The following ARRB1 variants were observed in gnomAD, a reference collection of about 807,000 sequenced individuals.
ARRB1 encodes beta-arrestin-1.
ARRB1 carries 21 observed loss-of-function variants against 56.8 expected under a neutral mutation model. The ratio of observed to expected loss-of-function variants is 0.37; its 90% CI spans 0.26 to 0.53. The LOEUF (loss-of-function observed/expected upper bound fraction) is 0.53, where lower values mean the gene tolerates loss of function less well. Ranked by LOEUF, ARRB1 falls within the 20% of genes least tolerant of loss-of-function variation. The pLI, the probability that ARRB1 is intolerant of heterozygous loss-of-function variation, is 0.88. For synonymous variants in ARRB1, 210 were observed against 218.6 expected, an observed-to-expected ratio of 0.96 and a Z score of 0.35; for missense variants, 424 against 553.7, an observed-to-expected ratio of 0.77 and a Z score of 2.35.
intron 6 of ARRB1, 50 bp downstream of exon 6, chr11:75,281,912 G>T: frequency 6.3e-7 from 1 of 1,583,248 alleles, no homozygotes. Context: ...AGGGACCTGG[G>T]GACATGAGAC....
chr11:75,292,421 G>A (rs563421124), intron 1 of ARRB1, among the ~76,000 whole-genome samples: 78 of 152,306 alleles, frequency 5.1e-4, no homozygotes, highest in Admixed American at 8.5e-4. Context: ...GATTACAGGC[G>A]TGAGCCACCG....
In ARRB1 at chr11:75,262,490, C is replaced by G. The variant is rs149579247; in HGVS notation, c.*3673G>C. On this transcript the variant is annotated 3_prime_UTR_variant, in exon 16 of 16. Coordinates refer to ENST00000420843, the MANE Select transcript of ARRB1 (RefSeq NM_004041.5). ...GGTTGACATCTGCCTAAGTGAGAAGCAGGGCAAGCGATGAAGACTGGTGGG... is the reference window on the plus strand; with the variant it reads ...GGTTGACATCTGCCTAAGTGAGAAGGAGGGCAAGCGATGAAGACTGGTGGG... 2 of 152,266 alleles carry G rather than the reference C, an allele frequency of 1.3e-5. No individual in the cohort carries two copies. Among genetic ancestry groups the G allele is most frequent in the Non-Finnish European group, 2.9e-5 (2 of 68,058 alleles). 9.4% of individuals were successfully genotyped at this position (152,266 alleles called of 1,614,324 possible). A position where few individuals can be genotyped will look rare whatever the true frequency, so the allele number is the denominator to read the frequency against.
At chr11:75,284,211 C>G in intron 4 of ARRB1, 24 bp downstream of exon 4, 1 of 1,597,282 alleles carries the variant, frequency 6.3e-7, no homozygotes. Flanking sequence ...CCTTGACAGG[C>G]TGGGGATGGG....
chr11:75,325,020 G>C (rs1467220311), intron 1 of ARRB1, among the ~76,000 whole-genome samples: 1 of 152,176 alleles, frequency 6.6e-6, no homozygotes, highest in Admixed American at 6.5e-5. Flanking sequence ...CCTTGGGGTA[G>C]AGACCTGAAG....
chr11:75,302,049 C>T (rs1309142940), intron 1 of ARRB1, among the ~76,000 whole-genome samples: 1 of 152,188 alleles, frequency 6.6e-6, no homozygotes, highest in East Asian at 1.9e-4. Flanking sequence ...CTCAGGGAGA[C>T]TCGCTAGTGT....
chr11:75,351,494 G>T lies in ARRB1; in HGVS notation c.20+94C>A, dbSNP rs1479986512. On this transcript the variant is annotated intron_variant, in intron 1 of 15. Coordinates refer to ENST00000420843, the MANE Select transcript of ARRB1 (RefSeq NM_004041.5). Reference sequence around the variant, plus strand: ...TGGTACTAGATCCCGCGGTGGCCGCGAACGCAGAACCAGGACGCAATCGGA... The same window carrying T: ...TGGTACTAGATCCCGCGGTGGCCGCTAACGCAGAACCAGGACGCAATCGGA... 5 of 1,482,224 alleles carry T rather than the reference G, an allele frequency of 3.4e-6. No individual in the cohort carries two copies. The Admixed American group carries it at 1.1e-4, about 32-fold the overall frequency. The allele number at this position is 1,482,224 out of a possible 1,614,324, so 91.8% of individuals were successfully genotyped here.
At chr11:75,267,539 C>A in intron 15 of ARRB1, 113 bp downstream of exon 15, 1 of 1,103,084 alleles carries the variant, frequency 9.1e-7, no homozygotes, top group Non-Finnish European at 1.3e-6. Context: ...TCTCAGCAGA[C>A]GGGGTTAGAC....
At chr11:75,305,677 G>A (rs150521895) in intron 1 of ARRB1, among the ~76,000 whole-genome samples, 2 of 152,234 alleles carry the variant, frequency 1.3e-5, no homozygotes, top group East Asian at 3.9e-4. Context: ...CCAGTTTCCA[G>A]CCTAGGCAGA....
chr11:75,290,015 A>G lies in ARRB1; in HGVS notation c.45T>C (p.Asn15=), dbSNP rs1213428586. 13 of 1,614,184 alleles carry G rather than the reference A, an allele frequency of 8.1e-6. No individual in the cohort carries two copies. Among genetic ancestry groups the G allele is most frequent in the South Asian group, 2.2e-5 (2 of 91,088 alleles). ...GTRVFKKASP[N]GKLTVYLGKR... ...GCAGCTGTTACAGACTCACCTTTCC[A>G]TTTGGACTGGCCTTCTTGAACACTC... is the stretch of plus-strand genomic sequence containing the variant. Residue 15 remains asparagine, a synonymous_variant, in exon 2 of 16, where the codon AAT becomes AAC. Coordinates refer to ENST00000420843, the MANE Select transcript of ARRB1 (RefSeq NM_004041.5).
At chr11:75,269,189 G>A (rs1348136955) in intron 13 of ARRB1, 2 of 734,900 alleles carry the variant, frequency 2.7e-6, no homozygotes, top group South Asian at 1.4e-5. Flanking sequence ...CCTCTTTCCT[G>A]AGAAGGCTCT....
chr11:75,343,904 C>T (rs1043802766), intron 1 of ARRB1, among the ~76,000 whole-genome samples: 1 of 151,988 alleles, frequency 6.6e-6, no homozygotes, highest in African/African-American at 2.4e-5. Context: ...CAAGCTCCGC[C>T]TCCCGGGTTC....
intron 1 of ARRB1, among the ~76,000 whole-genome samples, chr11:75,335,895 C>G (rs1391332909): frequency 6.6e-6 from 1 of 152,218 alleles, no homozygotes; most frequent in Non-Finnish European, 1.5e-5. Flanking sequence ...TTTATTGTCC[C>G]CCTTTTATAG....
intron 1 of ARRB1, among the ~76,000 whole-genome samples, chr11:75,349,586 G>A (rs566884095): frequency 2.6e-5 from 4 of 152,324 alleles, no homozygotes; most frequent in South Asian, 2.1e-4. Context: ...GAGTCACTCC[G>A]ATCACAAGGC....
intron 1 of ARRB1, among the ~76,000 whole-genome samples, chr11:75,301,184 G>A (rs1284153587): frequency 1.3e-5 from 2 of 151,916 alleles, no homozygotes; most frequent in Non-Finnish European, 2.9e-5. Context: ...GTAGCAATGA[G>A]GAAGATCTTG....
At chr11:75,269,140 G>C in intron 13 of ARRB1, 181 bp from the exon 14 acceptor site, 1 of 747,898 alleles carries the variant, frequency 1.3e-6, no homozygotes, top group Non-Finnish European at 2.4e-6. Flanking sequence ...GGAGCTGGAC[G>C]AGGAGACTTC....
At chr11:75,266,401 TC>T (rs1945914205) in intron 15 of ARRB1, 127 bp from the exon 16 acceptor site, 1 of 727,144 alleles carries the variant, frequency 1.4e-6, no homozygotes, top group Admixed American at 2.2e-5. Flanking sequence ...CTCTCTGAGG[TC>T]TCTGGCCTCT....
intron 1 of ARRB1, among the ~76,000 whole-genome samples, chr11:75,308,118 C>T (rs1017295868): frequency 1.6e-4 from 24 of 152,364 alleles, no homozygotes; most frequent in Admixed American, 3.9e-4. Context: ...GCCCTGAGCC[C>T]GGCCCAAGCA....
chr11:75,283,722 T>C (rs933088871), intron 4 of ARRB1, among the ~76,000 whole-genome samples: 6 of 151,780 alleles, frequency 4.0e-5, no homozygotes, highest in Non-Finnish European at 5.9e-5. Context: ...TCCTTCCCCC[T>C]CCCACCTCTC....
intron 2 of ARRB1, 106 bp downstream of exon 2, chr11:75,289,903 A>T (rs1946564777): frequency 2.6e-6 from 4 of 1,531,446 alleles, no homozygotes. Flanking sequence ...GCCCCCTCCC[A>T]CAGAGGTGTG....
Sources: gnomAD v4.1 joint callset for allele counts (sites outside exome capture counted in the v4.1 genomes callset) on GRCh38, gnomAD v4.1.1 for gene constraint, MANE v1.5 for transcripts, NCBI Gene and HGNC (gene_info 2026-07-23, HGNC 2026-07-21) for gene names.